DMD: variants seen among roughly 807,000 people sequenced by gnomAD.
DMD encodes the protein dystrophin.
In DMD, 63 loss-of-function variants were observed where a neutral mutation model predicts 330.1. The observed-to-expected ratio is 0.19, with a 90% CI of 0.16 to 0.24. The LOEUF is 0.24. Ranked by LOEUF, DMD falls within the 10% of genes least tolerant of loss-of-function variation. The probability of loss-of-function intolerance (pLI) is 1.00; values close to 1 mark genes in which losing one functional copy is unlikely to be tolerated. For missense variants in DMD, 3,344 were observed against 2,684.1 expected (o/e 1.25, Z -5.43); for synonymous variants, 1,223 against 959.8 (o/e 1.27, Z -5.07).
chrX:31,964,578 T>A (rs1367696551), intron 45 of DMD, among the ~76,000 whole-genome samples: 2 of 105,831 alleles, frequency 1.9e-5, no homozygotes, highest in Admixed American at 1.0e-4. Context: ...TTATAACTTA[T>A]TTGCAAAAAT....
At chrX:31,814,704 G>C (rs1052651774) in intron 50 of DMD, among the ~76,000 whole-genome samples, 1 of 111,192 alleles carries the variant, frequency 9.0e-6, no homozygotes, top group Non-Finnish European at 1.9e-5. Context: ...AGGCCCAGCA[G>C]CTTGTGGATA....
intron 47 of DMD, among the ~76,000 whole-genome samples, chrX:31,926,005 C>T (rs1051862437): frequency 9.0e-6 from 1 of 110,572 alleles, no homozygotes; most frequent in Non-Finnish European, 1.9e-5. Flanking sequence ...ATGATGATGG[C>T]GAGAGAGCCT....
At chrX:31,306,270 T>C (rs16989518) in intron 62 of DMD, among the ~76,000 whole-genome samples, 5,185 of 111,467 alleles carry the variant, frequency 0.047, 325 homozygotes, top group African/African-American at 0.16. Flanking sequence ...TATCTTCTGG[T>C]TGGTTCATAA....
At chrX:32,156,307 G>A (rs1005791244) in intron 44 of DMD, among the ~76,000 whole-genome samples, 1 of 112,046 alleles carries the variant, frequency 8.9e-6, no homozygotes, top group South Asian at 3.7e-4. Context: ...TTGAACCCGG[G>A]AGGCAGTGGT....
At chrX:32,656,943 C>T (rs904237895) in intron 9 of DMD, among the ~76,000 whole-genome samples, 2 of 110,646 alleles carry the variant, frequency 1.8e-5, no homozygotes, top group Admixed American at 9.7e-5. Context: ...CCCAATATTC[C>T]TATTCATATT....
At chrX:31,167,244 T>C (rs1356896849) in intron 74 of DMD, among the ~76,000 whole-genome samples, 1 of 111,959 alleles carries the variant, frequency 8.9e-6, no homozygotes, top group Non-Finnish European at 1.9e-5. Context: ...TGGGGCAAGC[T>C]GTGTGAACCT....
intron 2 of DMD, among the ~76,000 whole-genome samples, chrX:32,897,360 G>C (rs889375524): frequency 8.9e-6 from 1 of 111,732 alleles, no homozygotes; most frequent in South Asian, 3.7e-4. Flanking sequence ...AGGAGGAGTA[G>C]AGAATGAAGA....
chrX:31,474,973 G>A (rs1286510689), intron 59 of DMD, among the ~76,000 whole-genome samples: 2 of 110,403 alleles, frequency 1.8e-5, no homozygotes, highest in Non-Finnish European at 3.8e-5. Flanking sequence ...GGAGAAAAAT[G>A]ATTTATTTCC....
At chrX:32,736,257 C>A (rs1243483248) in intron 7 of DMD, among the ~76,000 whole-genome samples, 5 of 111,183 alleles carry the variant, frequency 4.5e-5, no homozygotes, top group African/African-American at 1.6e-4. Flanking sequence ...ATTAAAAAGT[C>A]AGGAAACAAC....
chrX:32,724,045 T>G (rs1030081612), intron 7 of DMD, among the ~76,000 whole-genome samples: 4 of 111,594 alleles, frequency 3.6e-5, no homozygotes, highest in African/African-American at 1.3e-4. Flanking sequence ...CTAAAATAAT[T>G]AGCACATATT....
At chrX:33,020,880 C>T (rs1351532258) in intron 1 of DMD, among the ~76,000 whole-genome samples, 2 of 110,715 alleles carry the variant, frequency 1.8e-5, no homozygotes, top group Non-Finnish European at 3.8e-5. Flanking sequence ...TCCACCCAAC[C>T]ATGGAGAAAT....
At chrX:32,104,754 C>G (rs1278089875) in intron 44 of DMD, among the ~76,000 whole-genome samples, 2 of 111,686 alleles carry the variant, frequency 1.8e-5, no homozygotes, top group Non-Finnish European at 3.8e-5. Flanking sequence ...TAAGAATCCC[C>G]TTTAATGTAG....
chrX:31,568,115 G>A (rs1400777756), intron 55 of DMD, among the ~76,000 whole-genome samples: 1 of 111,246 alleles, frequency 9.0e-6, no homozygotes, highest in African/African-American at 3.3e-5. Flanking sequence ...TTGATTTCTA[G>A]CTTGGTTTCA....
intron 43 of DMD, among the ~76,000 whole-genome samples, chrX:32,271,049 A>C (rs1013394935): frequency 3.6e-5 from 4 of 111,377 alleles, no homozygotes; most frequent in Non-Finnish European, 7.5e-5. Context: ...TATTTTATGG[A>C]AGGTACCCAA....
intron 74 of DMD, among the ~76,000 whole-genome samples, chrX:31,159,638 A>G (rs975847286): frequency 9.9e-5 from 11 of 110,768 alleles, no homozygotes; most frequent in Admixed American, 4.8e-4. Flanking sequence ...CCAGGCTTCC[A>G]TCTCCGCCAC....
intron 1 of DMD, among the ~76,000 whole-genome samples, chrX:33,135,192 A>G (rs1364671489): frequency 1.8e-5 from 2 of 111,571 alleles, no homozygotes; most frequent in African/African-American, 6.5e-5. Flanking sequence ...TTCTCTCTCC[A>G]TTAGATTATA....
At chrX:32,208,921 T>G (rs960532440) in intron 44 of DMD, among the ~76,000 whole-genome samples, 4 of 111,734 alleles carry the variant, frequency 3.6e-5, no homozygotes, top group African/African-American at 6.5e-5. Flanking sequence ...AAGCTCAATG[T>G]AAGAGAGAAT....
intron 63 of DMD, among the ~76,000 whole-genome samples, chrX:31,240,602 T>C (rs1171260031): frequency 8.9e-6 from 1 of 111,767 alleles, no homozygotes; most frequent in African/African-American, 3.3e-5. Flanking sequence ...AACTACTGGG[T>C]AGAGAAGAAA....
chrX:31,697,819 T>C (rs1214011112), intron 52 of DMD, among the ~76,000 whole-genome samples: 1 of 112,013 alleles, frequency 8.9e-6, no homozygotes, highest in Non-Finnish European at 1.9e-5. Context: ...TCTGTGTAAC[T>C]GATTTTTAGA....
Sources: allele counts gnomAD v4.1 joint callset (sites outside exome capture counted in the v4.1 genomes callset), GRCh38; gene constraint gnomAD v4.1.1; transcripts MANE v1.5; gene names NCBI Gene and HGNC (gene_info 2026-07-23, HGNC 2026-07-21).